MFF: variants seen among roughly 807,000 people sequenced by gnomAD.
MFF encodes chromosome 2 open reading frame 33.
Under a neutral mutation model 36.9 loss-of-function variants are expected in MFF, and 12 were observed. That is an observed-to-expected ratio of 0.33 (90% CI 0.21 to 0.53). The LOEUF is 0.53. Among genes scored for constraint, MFF ranks in the 20% least tolerant of loss-of-function variants. The probability of loss-of-function intolerance (pLI) is 0.95; values close to 1 mark genes in which losing one functional copy is unlikely to be tolerated. For synonymous variants in MFF, 99 were observed against 126.2 expected (o/e 0.78, Z 1.44); for missense variants, 348 against 366.6 (o/e 0.95, Z 0.42).
intron 6 of MFF, among the ~76,000 whole-genome samples, chr2:227,351,349 G>A (rs1290186602): frequency 6.6e-6 from 1 of 152,148 alleles, no homozygotes; most frequent in Non-Finnish European, 1.5e-5. Context: ...TTTAAGACAT[G>A]TAGAAGTTAA....
At position 227,357,226 on chromosome 2, in the gene MFF, C is replaced by A; in HGVS notation, c.*109C>A. ...TGTATGCCATTTTATAGTCCACACC[C>A]TGAAAATGTATTTCTTCCAGAAAGT... On this transcript the variant is annotated 3_prime_UTR_variant, in exon 9 of 9. Coordinates refer to ENST00000304593, the MANE Select transcript of MFF (RefSeq NM_001277062.2). 1 of 1,190,048 alleles carries A rather than the reference C, an allele frequency of 8.4e-7. No individual in the cohort carries two copies. The allele number at this position is 1,190,048 out of a possible 1,614,324, so 73.7% of individuals were successfully genotyped here.
intron 7 of MFF, 142 bp downstream of exon 7, chr2:227,352,715 C>T: frequency 1.4e-6 from 1 of 702,898 alleles, no homozygotes; most frequent in Non-Finnish European, 2.5e-6. Context: ...CATCTTGCTT[C>T]TCTCTAAGAA....
At chr2:227,351,983 G>T (rs1219397327) in intron 6 of MFF, 1 of 152,656 alleles carries the variant, frequency 6.6e-6, no homozygotes, top group East Asian at 1.9e-4. Flanking sequence ...GCTGCAACGA[G>T]ACATCAGGCA....
At chr2:227,336,975 C>G (rs1400590869) in intron 4 of MFF, among the ~76,000 whole-genome samples, 3 of 152,212 alleles carry the variant, frequency 2.0e-5, no homozygotes, top group Non-Finnish European at 2.9e-5. Context: ...TCAAGAACTT[C>G]ATGAATATGG....
At chr2:227,348,970 A>G (rs947515665) in intron 6 of MFF, among the ~76,000 whole-genome samples, 1 of 152,174 alleles carries the variant, frequency 6.6e-6, no homozygotes, top group African/African-American at 2.4e-5. Context: ...TCCTTAAAAC[A>G]GATTTATTGT....
chr2:227,330,692 C>T lies in MFF; in HGVS notation c.27C>T (p.Tyr9=), dbSNP rs369491046. The change falls in exon 3 of 9, where the codon TAC becomes TAT. Residue 9 remains tyrosine (Y), a synonymous_variant. Transcript: ENST00000304593. MAEISRIQ[Y]EMEYTEGISQ... ...TGGCAGAAATTAGTCGAATTCAGTA[C>T]GAAATGGAATATACTGAAGGCATTA... 148 of 1,613,924 alleles carry T rather than the reference C, an allele frequency of 9.2e-5. No individual in the cohort carries two copies. Among genetic ancestry groups the T allele is most frequent in the East Asian group, 2.2e-4 (10 of 44,892 alleles).
chr2:227,329,651 T>G (rs1032040245), intron 2 of MFF: 2 of 896,020 alleles, frequency 2.2e-6, no homozygotes, highest in Admixed American at 1.9e-5. Context: ...CCAAAAAAAG[T>G]TCAAATGTGT....
intron 7 of MFF, 75 bp downstream of exon 7, chr2:227,352,648 C>A (rs1407886584): frequency 2.6e-6 from 3 of 1,154,486 alleles, no homozygotes; most frequent in South Asian, 2.7e-5. Context: ...TGTTGCATGT[C>A]GTAGCCATGC....
chr2:227,339,321 A>G (rs1194807821), intron 4 of MFF, among the ~76,000 whole-genome samples: 1 of 152,184 alleles, frequency 6.6e-6, no homozygotes, highest in South Asian at 2.1e-4. Context: ...AAACAAGCCT[A>G]TGTTTTGCTC....
chr2:227,343,820 C>A (rs2106415763), intron 5 of MFF, among the ~76,000 whole-genome samples: 1 of 152,268 alleles, frequency 6.6e-6, no homozygotes, highest in East Asian at 1.9e-4. Context: ...CGGAGTCTCA[C>A]TGTGACTTCC....
intron 5 of MFF, chr2:227,340,586 T>A (rs2075335578): frequency 4.1e-6 from 2 of 482,096 alleles, no homozygotes; most frequent in Middle Eastern, 5.7e-4. Flanking sequence ...CTTTCCTGTG[T>A]AGTATGATTT....
intron 6 of MFF, among the ~76,000 whole-genome samples, chr2:227,350,995 G>C (rs371398678): frequency 1.1e-4 from 17 of 152,264 alleles, no homozygotes; most frequent in African/African-American, 3.6e-4. Context: ...CTGGCTCTGC[G>C]TTATAAAAGG....
chr2:227,335,994 G>A (rs993242466), intron 4 of MFF, among the ~76,000 whole-genome samples: 2 of 152,232 alleles, frequency 1.3e-5, no homozygotes, highest in Admixed American at 6.5e-5. Flanking sequence ...AGTTTTCAGT[G>A]TTCCTACAGT....
chr2:227,326,609 A>G (rs770331499), intron 1 of MFF, among the ~76,000 whole-genome samples: 6 of 152,150 alleles, frequency 3.9e-5, no homozygotes, highest in Non-Finnish European at 8.8e-5. Context: ...CTCTTCTGGT[A>G]TTGAAACTTT....
intron 5 of MFF, among the ~76,000 whole-genome samples, chr2:227,345,105 A>T (rs2075639672): frequency 6.6e-6 from 1 of 152,188 alleles, no homozygotes; most frequent in South Asian, 2.1e-4. Context: ...AGTTAGTCTG[A>T]AGTAAGTTTA....
Position 227,350,352 on chromosome 2 carries a change from C to T in MFF, c.600-2162C>T, listed in dbSNP as rs1477448184. Among the ~76,000 whole-genome samples, 7 of 152,016 alleles carry T rather than the reference C, an allele frequency of 4.6e-5. No homozygotes were observed. The East Asian group carries it at 7.7e-4, about 17-fold the overall frequency. On this transcript the variant is annotated intron_variant, in intron 6 of 8. Transcript: ENST00000304593. ...ATCTCATTTTACAATGTAAAATATTCGCATCTTCAAAAAGAAACTTAGTTC... is the reference window on the plus strand; with the variant it reads ...ATCTCATTTTACAATGTAAAATATTTGCATCTTCAAAAAGAAACTTAGTTC...
At chr2:227,340,133 CTG>C (rs1304643518) in intron 4 of MFF, among the ~76,000 whole-genome samples, 157 bp from the exon 5 acceptor site, 1 of 152,118 alleles carries the variant, frequency 6.6e-6, no homozygotes, top group Non-Finnish European at 1.5e-5. Context: ...TAAAGCAAGT[CTG>C]TCAGTAATAC....
chr2:227,346,272 C>T (rs1007596792), intron 5 of MFF: 1 of 167,004 alleles, frequency 6.0e-6, no homozygotes, highest in Admixed American at 6.6e-5. Context: ...TTAGTTTTGC[C>T]TTGACGTTGA....
At chr2:227,344,450 A>G (rs1047542659) in intron 5 of MFF, among the ~76,000 whole-genome samples, 2 of 152,212 alleles carry the variant, frequency 1.3e-5, no homozygotes, top group Admixed American at 1.3e-4. Context: ...GTTTCCCTCC[A>G]CAGTTGATAG....
Sources: allele counts gnomAD v4.1 joint callset (sites outside exome capture counted in the v4.1 genomes callset), GRCh38; gene constraint gnomAD v4.1.1; transcripts MANE v1.5; gene names NCBI Gene and HGNC (gene_info 2026-07-23, HGNC 2026-07-21).